PKIB: variants seen among roughly 807,000 people sequenced by gnomAD.
The protein encoded by PKIB is PKI-beta.
Under a neutral mutation model 4.5 loss-of-function variants are expected in PKIB, and 2 were observed. The ratio of observed to expected loss-of-function variants is 0.44; its 90% CI spans 0.18 to 1.39. The LOEUF is 1.39. Among genes scored for constraint, PKIB ranks in the 40% most tolerant of loss-of-function variants. PKIB has a pLI of 0.27. For missense variants in PKIB, 94 were observed against 92.6 expected, an observed-to-expected ratio of 1.02 and a Z score of -0.06; for synonymous variants, 38 against 36.0, an observed-to-expected ratio of 1.06 and a Z score of -0.20.
intron 3 of PKIB, among the ~76,000 whole-genome samples, chr6:122,711,462 A>G (rs1232576266): frequency 1.3e-5 from 2 of 152,174 alleles, no homozygotes; most frequent in African/African-American, 4.8e-5. Flanking sequence ...ATATCCTGCA[A>G]TCATGTGAGA....
At chr6:122,473,749 A>C (rs1349033471) in intron 1 of PKIB, among the ~76,000 whole-genome samples, 1 of 152,218 alleles carries the variant, frequency 6.6e-6, no homozygotes, top group Non-Finnish European at 1.5e-5. Flanking sequence ...TATTAGTAGG[A>C]GCACCCATTT....
intron 3 of PKIB, among the ~76,000 whole-genome samples, chr6:122,696,916 G>T (rs1052089456): frequency 1.3e-5 from 2 of 152,290 alleles, no homozygotes; most frequent in Middle Eastern, 3.4e-3. Context: ...GTGGTAGGGT[G>T]TCTTAGTCAC....
intron 3 of PKIB, among the ~76,000 whole-genome samples, chr6:122,690,923 TA>T (rs59096381): frequency 3.1e-4 from 28 of 90,122 alleles, no homozygotes; most frequent in African/African-American, 1.2e-3. Flanking sequence ...AGGATATATA[TA>T]TATATATATT....
At chr6:122,549,512 T>C (rs1029899605) in intron 2 of PKIB, among the ~76,000 whole-genome samples, 1 of 152,172 alleles carries the variant, frequency 6.6e-6, no homozygotes, top group African/African-American at 2.4e-5. Context: ...ATCCCAGTCT[T>C]ATTCCAATTT....
intron 3 of PKIB, among the ~76,000 whole-genome samples, chr6:122,683,758 T>G (rs577810354): frequency 1.3e-5 from 2 of 152,150 alleles, no homozygotes; most frequent in East Asian, 3.9e-4. Flanking sequence ...TAAGCAAGAC[T>G]CAAGGGCAAG....
intron 2 of PKIB, among the ~76,000 whole-genome samples, chr6:122,551,445 A>G (rs147336549): frequency 6.6e-6 from 1 of 152,046 alleles, no homozygotes; most frequent in Non-Finnish European, 1.5e-5. Context: ...CTTTTTATCT[A>G]GCATCTTGTT....
chr6:122,545,273 T>C (rs1772457632), intron 2 of PKIB, among the ~76,000 whole-genome samples: 1 of 151,708 alleles, frequency 6.6e-6, no homozygotes, highest in South Asian at 2.1e-4. Flanking sequence ...TGAAAAAAAA[T>C]GTAGTATATA....
At chr6:122,509,500 G>A (rs370455203) in intron 2 of PKIB, among the ~76,000 whole-genome samples, 17 of 151,314 alleles carry the variant, frequency 1.1e-4, no homozygotes, top group East Asian at 3.9e-4. Flanking sequence ...GTGCGATCTC[G>A]GCTCACTGCA....
In PKIB at chr6:122,553,481, C is replaced by CTTTTTTTTT. The variant is rs533553939; in HGVS notation, c.-247-32426_-247-32418dup. On this transcript the variant is annotated intron_variant, in intron 2 of 6. Coordinates refer to the PKIB transcript ENST00000392491. ...TCTCTCAAGATTGCTCAAATATCTT[C>CTTTTTTTTT]TTTTTTTTTTTTTTTTTTTTTTCTG... 2.7e-3 allele frequency among the ~76,000 whole-genome samples: 177 copies of CTTTTTTTTT among 65,798 alleles called. 32 individuals carry two copies. The highest frequency in any genetic ancestry group is 8.1e-3 in the African/African-American group (138 of 16,942). The allele number at this position is 65,798 out of a possible 152,430, so 43.2% of individuals were successfully genotyped here.
At position 122,557,392 on chromosome 6, in the gene PKIB, T is replaced by C. The variant is rs182204711; in HGVS notation, c.-247-28529T>C. On this transcript the variant is annotated intron_variant, in intron 2 of 6. Transcript: ENST00000392491. ...AGGAAGAACAAAATTTGGGGTCTGC[T>C]TTATATGACCAGGAGAGGATTGTTT... 2.2e-3 allele frequency among the ~76,000 whole-genome samples: 331 copies of C among 152,306 alleles called. 7 individuals carry two copies. The highest frequency in any genetic ancestry group is 0.019 in the Admixed American group (296 of 15,300).
chr6:122,701,359 C>T, intron 3 of PKIB: 1 of 1,168,774 alleles, frequency 8.6e-7, no homozygotes, highest in Non-Finnish European at 1.2e-6. Flanking sequence ...ACATGGTGAT[C>T]AGAGAGCTCT....
At chr6:122,539,023 A>C (rs529937583) in intron 2 of PKIB, among the ~76,000 whole-genome samples, 5 of 152,168 alleles carry the variant, frequency 3.3e-5, no homozygotes, top group African/African-American at 4.8e-5. Flanking sequence ...ATTTTTGTAC[A>C]TTGATTTTGT....
At chr6:122,606,768 T>C (rs976830726), upstream of PKIB, among the ~76,000 whole-genome samples, 1 of 151,860 alleles carries the variant, frequency 6.6e-6, no homozygotes, top group African/African-American at 2.4e-5. Flanking sequence ...CACCAGCATA[T>C]AAAAACATGG....
chr6:122,654,767 A>AT (rs1475125617), intron 2 of PKIB, among the ~76,000 whole-genome samples: 1 of 152,076 alleles, frequency 6.6e-6, no homozygotes, highest in African/African-American at 2.4e-5. Flanking sequence ...CTAGATTTCT[A>AT]TTTTTTTAAC....
intron 2 of PKIB, chr6:122,481,700 A>G (rs1240088099): frequency 6.6e-6 from 1 of 152,212 alleles, no homozygotes; most frequent in Non-Finnish European, 1.5e-5. Flanking sequence ...ACATACACAC[A>G]CATTGTGTAA....
intron 2 of PKIB, chr6:122,581,658 C>T (rs1402145381): frequency 2.0e-5 from 3 of 152,134 alleles, no homozygotes; most frequent in Admixed American, 6.6e-5. Context: ...CTCCTTTTAA[C>T]GTGCTTTGTT....
intron 3 of PKIB, among the ~76,000 whole-genome samples, chr6:122,700,911 G>A (rs1008326435): frequency 1.3e-5 from 2 of 152,170 alleles, no homozygotes; most frequent in Admixed American, 6.5e-5. Flanking sequence ...CTTGGATAGG[G>A]CCAGCAAGCC....
intron 3 of PKIB, among the ~76,000 whole-genome samples, chr6:122,588,515 T>G (rs894983450): frequency 1.2e-4 from 18 of 152,272 alleles, no homozygotes; most frequent in Admixed American, 3.9e-4. Context: ...TCACACTACC[T>G]GACTTCAAAC....
chr6:122,500,223 G>A (rs1776189443), intron 2 of PKIB, among the ~76,000 whole-genome samples: 1 of 150,308 alleles, frequency 6.7e-6, no homozygotes, highest in African/African-American at 2.4e-5. Flanking sequence ...TACCCAGTGA[G>A]ATATTAAAAA....
Sources: gnomAD v4.1 joint callset for allele counts (sites outside exome capture counted in the v4.1 genomes callset) on GRCh38, gnomAD v4.1.1 for gene constraint, MANE v1.5 for transcripts, NCBI Gene and HGNC (gene_info 2026-07-23, HGNC 2026-07-21) for gene names.